CDH13: variants seen among roughly 807,000 people sequenced by gnomAD.
The protein encoded by CDH13 is cadherin-13.
A neutral mutation model predicts 63.8 loss-of-function variants in CDH13; 24 were observed. That is an observed-to-expected ratio of 0.38 (90% CI 0.27 to 0.53). The LOEUF (loss-of-function observed/expected upper bound fraction) is 0.53, where lower values mean the gene tolerates loss of function less well. Among genes scored for constraint, CDH13 ranks in the 20% least tolerant of loss-of-function variants. The pLI is 0.85. For synonymous variants in CDH13, 503 were observed against 355.3 expected (o/e 1.42, Z -4.67); for missense variants, 1,049 against 903.1 (o/e 1.16, Z -2.07).
chr16:83,603,848 G>A (rs998072602), intron 8 of CDH13, among the ~76,000 whole-genome samples: 3 of 152,144 alleles, frequency 2.0e-5, no homozygotes, highest in Non-Finnish European at 4.4e-5. Context: ...GATCCTGGCT[G>A]GGGAGACCTC....
chr16:83,650,709 C>G (rs1468402507), intron 8 of CDH13, among the ~76,000 whole-genome samples: 1 of 152,056 alleles, frequency 6.6e-6, no homozygotes. Flanking sequence ...TTATCCATCC[C>G]AGAATGTCAT....
Position 83,796,101 on chromosome 16 carries a change from C to T in CDH13, c.*1071C>T, listed in dbSNP as rs546999259. 6 of 152,560 alleles carry T rather than the reference C, an allele frequency of 3.9e-5. No individual in the cohort carries two copies. The highest frequency in any genetic ancestry group is 7.2e-5 in the African/African-American group (3 of 41,434). 9.5% of individuals were successfully genotyped at this position (152,560 alleles called of 1,614,324 possible). A position where few individuals can be genotyped will look rare whatever the true frequency, so the allele number is the denominator to read the frequency against. On this transcript the variant is annotated 3_prime_UTR_variant, in exon 14 of 14. Coordinates refer to ENST00000567109, the MANE Select transcript of CDH13 (RefSeq NM_001257.5). ...GTACCCTTTTGTGTGAATTGACTAC[C>T]GTTGTTTGCAAACCCGAAAATAAAA...
chr16:83,019,442 T>C (rs777460547), intron 2 of CDH13, among the ~76,000 whole-genome samples: 6 of 152,078 alleles, frequency 3.9e-5, no homozygotes, highest in Non-Finnish European at 7.4e-5. Context: ...CAATGCCTTC[T>C]TCTGGATACC....
chr16:82,627,303 G>T (rs1334315424), intron 1 of CDH13, among the ~76,000 whole-genome samples, 166 bp downstream of exon 1: 2 of 149,380 alleles, frequency 1.3e-5, no homozygotes, highest in Non-Finnish European at 3.0e-5. Context: ...GAGATCCTAG[G>T]CACCCCCCAC....
intron 4 of CDH13, among the ~76,000 whole-genome samples, chr16:83,189,092 G>T (rs974392757): frequency 6.6e-6 from 1 of 152,210 alleles, no homozygotes; most frequent in African/African-American, 2.4e-5. Context: ...GGAACTCGAT[G>T]CCCTGTTTCA....
intron 10 of CDH13, among the ~76,000 whole-genome samples, chr16:83,716,815 A>G (rs1335651452): frequency 6.6e-6 from 1 of 152,170 alleles, no homozygotes; most frequent in East Asian, 1.9e-4. Context: ...TTGGGTAGGT[A>G]AAGTCTTCCA....
chr16:83,224,025 G>A (rs1448432205), intron 5 of CDH13, among the ~76,000 whole-genome samples: 1 of 152,142 alleles, frequency 6.6e-6, no homozygotes, highest in Admixed American at 6.6e-5. Context: ...AAAGTCCATT[G>A]TATCATTCTT....
At chr16:82,911,835 C>G (rs2041841298) in intron 2 of CDH13, among the ~76,000 whole-genome samples, 1 of 152,026 alleles carries the variant, frequency 6.6e-6, no homozygotes, top group Admixed American at 6.5e-5. Flanking sequence ...CCCCAAAAGC[C>G]CCGTGAGTGG....
At chr16:82,909,818 G>C (rs1307454068) in intron 2 of CDH13, among the ~76,000 whole-genome samples, 8 of 152,138 alleles carry the variant, frequency 5.3e-5, no homozygotes, top group African/African-American at 1.7e-4. Context: ...AACGATATCA[G>C]ATGTACTTCG....
At chr16:82,716,961 T>TA (rs1229726804) in intron 1 of CDH13, among the ~76,000 whole-genome samples, 1 of 151,924 alleles carries the variant, frequency 6.6e-6, no homozygotes, top group African/African-American at 2.4e-5. Context: ...ATTAGAGACT[T>TA]AGAGATTCCT....
intron 7 of CDH13, among the ~76,000 whole-genome samples, chr16:83,518,604 C>G (rs2074755870): frequency 6.6e-6 from 1 of 151,530 alleles, no homozygotes; most frequent in Non-Finnish European, 1.5e-5. Flanking sequence ...TTCCGAGTAG[C>G]TGGGACTACA....
At chr16:82,998,065 A>G (rs1001502904) in intron 2 of CDH13, among the ~76,000 whole-genome samples, 13 of 152,236 alleles carry the variant, frequency 8.5e-5, no homozygotes, top group African/African-American at 3.1e-4. Context: ...TTCATGGCAG[A>G]GTTGGTGACC....
At chr16:82,858,824 G>T (rs996656270) in intron 2 of CDH13, 3 of 346,912 alleles carry the variant, frequency 8.6e-6, no homozygotes, top group Admixed American at 4.4e-5. Flanking sequence ...CCTTCTCGCA[G>T]ATTGCTGTTC....
At chr16:83,549,518 G>A (rs573976242) in intron 7 of CDH13, among the ~76,000 whole-genome samples, 4 of 152,034 alleles carry the variant, frequency 2.6e-5, no homozygotes, top group East Asian at 1.9e-4. Context: ...TTGTGCCCTC[G>A]AGGGTCCCCT....
Position 82,784,074 on chromosome 16 carries a change from A to G in CDH13, c.46-74288A>G, listed in dbSNP as rs150269242. 4.8e-3 allele frequency among the ~76,000 whole-genome samples: 736 copies of G among 152,088 alleles called. 9 individuals are homozygous for G. The highest frequency in any genetic ancestry group is 5.9e-3 in the Non-Finnish European group (400 of 67,972). ...CAGTGCTTGTTTTGAATGCAAATGT[A>G]TTAGTTCAGATGGGCCAAGTTGCAG... On this transcript the variant is annotated intron_variant, in intron 1 of 13. Coordinates refer to ENST00000567109, the MANE Select transcript of CDH13 (RefSeq NM_001257.5).
intron 5 of CDH13, among the ~76,000 whole-genome samples, chr16:83,305,466 A>G (rs933991091): frequency 6.6e-6 from 1 of 152,174 alleles, no homozygotes; most frequent in African/African-American, 2.4e-5. Context: ...TTCCATTCTA[A>G]TCCCAAAATA....
intron 4 of CDH13, among the ~76,000 whole-genome samples, chr16:83,184,921 A>G (rs1274655626): frequency 6.9e-6 from 1 of 145,024 alleles, no homozygotes; most frequent in Non-Finnish European, 1.5e-5. Flanking sequence ...GTGTGTGTGT[A>G]GTAGCAGCTT....
chr16:82,935,252 GCCATTAGATC>G (rs1196363092), intron 2 of CDH13, among the ~76,000 whole-genome samples: 2 of 152,104 alleles, frequency 1.3e-5, no homozygotes, highest in Non-Finnish European at 2.9e-5. Flanking sequence ...TCCTTATAAA[GCCATTAGATC>G]CCATGAGAAC....
At chr16:82,682,693 A>G (rs772460582) in intron 1 of CDH13, among the ~76,000 whole-genome samples, 2 of 152,222 alleles carry the variant, frequency 1.3e-5, no homozygotes, top group Non-Finnish European at 2.9e-5. Context: ...GTATTCTTGG[A>G]GGTGGACACA....
Sources: gnomAD v4.1 joint callset for allele counts (sites outside exome capture counted in the v4.1 genomes callset) on GRCh38, gnomAD v4.1.1 for gene constraint, MANE v1.5 for transcripts, NCBI Gene and HGNC (gene_info 2026-07-23, HGNC 2026-07-21) for gene names.